Variants in CSRNP3 observed in about 807,000 individuals in gnomAD.
The protein encoded by CSRNP3 is cysteine and serine rich nuclear protein 3, also known as cysteine/serine-rich nuclear protein 3.
In CSRNP3, 12 loss-of-function variants were observed where a neutral mutation model predicts 48.0. The observed-to-expected ratio is 0.25, with a 90% confidence interval of 0.16 to 0.41. The LOEUF (loss-of-function observed/expected upper bound fraction) is 0.41, where lower values mean the gene tolerates loss of function less well. Among genes scored for constraint, CSRNP3 ranks in the 10% least tolerant of loss-of-function variants. CSRNP3 has a pLI of 1.00. For synonymous variants in CSRNP3, 263 were observed against 269.7 expected (o/e 0.98, Z 0.24); for missense variants, 580 against 724.4 (o/e 0.80, Z 2.29).
chr2:165,509,508 C>G (rs1223622226), intron 2 of CSRNP3, among the ~76,000 whole-genome samples: 1 of 152,074 alleles, frequency 6.6e-6, no homozygotes, highest in African/African-American at 2.4e-5. Context: ...GAGGATGCAT[C>G]TTGAAGGCAG....
At chr2:165,660,806 A>G (rs1347185804) in intron 5 of CSRNP3, among the ~76,000 whole-genome samples, 1 of 152,224 alleles carries the variant, frequency 6.6e-6, no homozygotes, top group Non-Finnish European at 1.5e-5. Flanking sequence ...TGTTATTGGT[A>G]ATTGAAAACA....
rs970410514 is a variant in CSRNP3 at position 165,676,494 on chromosome 2, A to G, written c.591A>G (p.Glu197=). 3 of 1,614,062 alleles carry G rather than the reference A, an allele frequency of 1.9e-6. No homozygotes were observed. The highest frequency in any genetic ancestry group is 2.5e-6 in the Non-Finnish European group (3 of 1,180,006). The change falls in exon 6 of 7, where the codon GAA becomes GAG. Residue 197 remains glutamate (E), a synonymous_variant. Transcript: ENST00000651982. Reference sequence around the variant, plus strand: ...CTGGAGTGAAAAAGATTGACGTGGAAGAAAAGCACGAACTCCGAGCCATCC... The same window carrying G: ...CTGGAGTGAAAAAGATTGACGTGGAGGAAAAGCACGAACTCCGAGCCATCC... ...RASGVKKIDV[E]EKHELRAIRL... is the part of the protein sequence containing the mutation.
chr2:165,559,705 AATATT>A (rs1685205231), intron 3 of CSRNP3, among the ~76,000 whole-genome samples: 2 of 152,004 alleles, frequency 1.3e-5, no homozygotes, highest in South Asian at 4.1e-4. Context: ...TATAAAAACA[AATATT>A]AAATGTATTG....
chr2:165,635,609 C>T (rs1686614604), intron 4 of CSRNP3, among the ~76,000 whole-genome samples: 2 of 152,144 alleles, frequency 1.3e-5, no homozygotes, highest in Admixed American at 1.3e-4. Context: ...TGTCGATACC[C>T]TATTTTATTT....
chr2:165,626,337 A>G (rs1256566469), intron 4 of CSRNP3, among the ~76,000 whole-genome samples: 3 of 152,192 alleles, frequency 2.0e-5, no homozygotes, highest in Non-Finnish European at 4.4e-5. Flanking sequence ...GGAAGGAGTG[A>G]GATGGACATC....
intron 2 of CSRNP3, among the ~76,000 whole-genome samples, chr2:165,504,128 T>C (rs1684394496): frequency 6.6e-6 from 1 of 152,048 alleles, no homozygotes; most frequent in Admixed American, 6.6e-5. Context: ...GCAATGTATG[T>C]GCATTAAGAG....
In CSRNP3 at chr2:165,519,348, A is replaced by G. The variant is rs1272541571; in HGVS notation, c.-24+1387A>G. ...AATTAAATCGTCTCCCCAATGACCT[A>G]GAAAGACTTGTAGGTTTGAAAGGGA... On this transcript the variant is annotated intron_variant, in intron 3 of 6. Transcript: ENST00000651982. 2.6e-5 allele frequency among the ~76,000 whole-genome samples: 4 copies of G among 152,206 alleles called. No homozygotes were observed. In the East Asian group the frequency reaches 5.8e-4, roughly 22 times the overall value.
chr2:165,621,194 T>C (rs942154406), intron 4 of CSRNP3, among the ~76,000 whole-genome samples: 5 of 152,082 alleles, frequency 3.3e-5, no homozygotes, highest in African/African-American at 4.8e-5. Flanking sequence ...TCCCGGGCAT[T>C]GTATTGAGTC....
chr2:165,689,405 G>T lies in CSRNP3; in HGVS notation c.*9652G>T, dbSNP rs1371206361. 6.6e-6 allele frequency: 1 copy of T among 152,064 alleles called. No individual in the cohort carries two copies. The highest frequency in any genetic ancestry group is 1.9e-4 in the East Asian group (1 of 5,192). The allele number at this position is 152,064 out of a possible 1,614,324, so 9.4% of individuals were successfully genotyped here. On this transcript the variant is annotated 3_prime_UTR_variant, in exon 7 of 7. Coordinates refer to ENST00000651982, the MANE Select transcript of CSRNP3 (RefSeq NM_001172173.2). The stretch of plus-strand genomic sequence containing the variant: ...GCAGAGTAAAACCGGTTTCTAAGTT[G>T]TATCTACTGTTGCATTTCTGTTGCC...
intron 3 of CSRNP3, among the ~76,000 whole-genome samples, chr2:165,566,608 C>T (rs1685300915): frequency 1.3e-5 from 2 of 151,828 alleles, no homozygotes; most frequent in African/African-American, 4.8e-5. Flanking sequence ...TAACTATTAG[C>T]TATTTTTAGA....
chr2:165,589,126 C>T (rs1054421046), intron 3 of CSRNP3, among the ~76,000 whole-genome samples: 4 of 152,098 alleles, frequency 2.6e-5, no homozygotes, highest in African/African-American at 7.2e-5. Context: ...TATTAATTAT[C>T]CTCACCTGGC....
chr2:165,482,988 TC>T (rs1363310650), intron 1 of CSRNP3, among the ~76,000 whole-genome samples: 1 of 152,044 alleles, frequency 6.6e-6, no homozygotes, highest in Non-Finnish European at 1.5e-5. Flanking sequence ...TATTAAGTGT[TC>T]TTGCAGTGGC....
chr2:165,548,184 T>C (rs970222691), intron 3 of CSRNP3, among the ~76,000 whole-genome samples: 11 of 152,034 alleles, frequency 7.2e-5, no homozygotes, highest in Non-Finnish European at 1.2e-4. Context: ...ACTTAAGAAA[T>C]AGTGAGGTGG....
At chr2:165,594,844 T>C (rs1211562332) in intron 3 of CSRNP3, among the ~76,000 whole-genome samples, 199 bp from the exon 4 acceptor site, 8 of 152,132 alleles carry the variant, frequency 5.3e-5, no homozygotes, top group Non-Finnish European at 1.2e-4. Context: ...GGTAATCAAA[T>C]GGTTAAATAC....
chr2:165,614,739 G>A (rs567553532), intron 4 of CSRNP3, among the ~76,000 whole-genome samples: 14 of 152,090 alleles, frequency 9.2e-5, no homozygotes, highest in Non-Finnish European at 1.6e-4. Context: ...GTATTGATTT[G>A]TGTGTGTTGA....
At chr2:165,514,995 T>C (rs1684557359) in intron 2 of CSRNP3, among the ~76,000 whole-genome samples, 1 of 152,168 alleles carries the variant, frequency 6.6e-6, no homozygotes, top group Admixed American at 6.5e-5. Context: ...TAGGCCAGGG[T>C]ACCTTTGCCT....
intron 4 of CSRNP3, among the ~76,000 whole-genome samples, chr2:165,641,076 T>C (rs1174826648): frequency 2.0e-5 from 3 of 152,224 alleles, no homozygotes; most frequent in African/African-American, 7.2e-5. Context: ...TTTCCAAACT[T>C]GTGGTCACAC....
intron 4 of CSRNP3, among the ~76,000 whole-genome samples, chr2:165,642,826 T>C (rs906151680): frequency 1.3e-5 from 2 of 152,236 alleles, no homozygotes. Flanking sequence ...CCTCCCAAAG[T>C]GCTGGGATTA....
chr2:165,609,002 G>C (rs2105308185), intron 4 of CSRNP3, among the ~76,000 whole-genome samples: 1 of 150,546 alleles, frequency 6.6e-6, no homozygotes, highest in East Asian at 2.0e-4. Context: ...AGCTACTTAG[G>C]AGGCTGAGGC....
Sources: gnomAD v4.1 joint callset for allele counts (sites outside exome capture counted in the v4.1 genomes callset) on GRCh38, gnomAD v4.1.1 for gene constraint, MANE v1.5 for transcripts, NCBI Gene and HGNC (gene_info 2026-07-23, HGNC 2026-07-21) for gene names.